Variants in PACRG observed in about 807,000 individuals in gnomAD.
PACRG encodes parkin coregulated gene protein.
PACRG carries 29 observed loss-of-function variants against 29.7 expected under a neutral mutation model. That is an observed-to-expected ratio of 0.98 (90% CI 0.73 to 1.33). PACRG has a LOEUF of 1.33. Ranked by LOEUF, PACRG falls within the 40% of genes most tolerant of loss-of-function variation. PACRG has a pLI of 0.00. For missense variants in PACRG, 279 were observed against 316.2 expected, an observed-to-expected ratio of 0.88 and a Z score of 0.89; for synonymous variants, 116 against 118.7, an observed-to-expected ratio of 0.98 and a Z score of 0.15.
At chr6:163,196,409 C>T (rs1780455276) in intron 4 of PACRG, among the ~76,000 whole-genome samples, 1 of 152,338 alleles carries the variant, frequency 6.6e-6, no homozygotes, top group South Asian at 2.1e-4. Context: ...GGAGCCTTAC[C>T]TGTGGCCTCA....
At chr6:162,978,454 CCTGT>C (rs796760043) in intron 2 of PACRG, among the ~76,000 whole-genome samples, 35 of 144,928 alleles carry the variant, frequency 2.4e-4, no homozygotes, top group African/African-American at 6.0e-4. Context: ...TCTCTGTCTG[CCTGT>C]CTGTCTGTCT....
intron 2 of PACRG, among the ~76,000 whole-genome samples, chr6:162,861,988 T>C (rs915843556): frequency 5.9e-5 from 9 of 152,166 alleles, no homozygotes; most frequent in South Asian, 2.1e-4. Flanking sequence ...CTCAGCATTT[T>C]TGTATCCACT....
In PACRG at chr6:163,078,614, C is replaced by G. The variant is rs550116770; in HGVS notation, c.464-10645C>G. Among the ~76,000 whole-genome samples the G allele has an allele frequency of 3.3e-5, 5 of 152,106 alleles. No homozygotes were observed. The East Asian group carries it at 9.7e-4, about 29-fold the overall frequency. ...GTGTTATCATTGTCATCATTATCAT[C>G]GTCATCATTATCATCATCATCATCA... On this transcript the variant is annotated intron_variant, in intron 3 of 4. Coordinates refer to ENST00000366888, the MANE Select transcript of PACRG (RefSeq NM_001080379.2).
rs1284449382 is a variant in PACRG, at chr6:162,764,872, T to C, written c.156+36481T>C. Among the ~76,000 whole-genome samples, 3 of 151,938 alleles carry C rather than the reference T, an allele frequency of 2.0e-5. No individual in the cohort carries two copies. The East Asian group carries it at 5.8e-4, about 29-fold the overall frequency. On this transcript the variant is annotated intron_variant, in intron 1 of 4. Transcript: ENST00000366888. ...GTTTCTCCTGCCTCAGCCTCCCTAG[T>C]AGCTGGGATTACAGGCACCTGCCAC...
rs143876792 is a variant in PACRG, at chr6:162,869,694, A to G, written c.291+55413A>G. On this transcript the variant is annotated intron_variant, in intron 2 of 4. Transcript: ENST00000366888. ...TAATTTCAGAGTTGGAAAGCTAGAC[A>G]GTTGGAAGTAGTGCTTGGAAAGCCT... 1.3e-3 allele frequency among the ~76,000 whole-genome samples: 200 copies of G among 152,334 alleles called. 2 individuals carry two copies. The highest frequency in any genetic ancestry group is 4.4e-3 in the African/African-American group (183 of 41,576).
At chr6:162,934,369 C>A (rs555111363) in intron 2 of PACRG, among the ~76,000 whole-genome samples, 3 of 152,194 alleles carry the variant, frequency 2.0e-5, no homozygotes, top group Non-Finnish European at 1.5e-5. Flanking sequence ...GGCTCAAACA[C>A]CTTCCATTAG....
At chr6:163,036,817 T>C (rs73783993) in intron 2 of PACRG, among the ~76,000 whole-genome samples, 23,220 of 151,856 alleles carry the variant, frequency 0.15, 1,925 homozygotes, top group East Asian at 0.26. Context: ...TTTACTCTTT[T>C]ATTTATCCAT....
chr6:163,007,435 T>C (rs966512316), intron 2 of PACRG, among the ~76,000 whole-genome samples: 2 of 152,234 alleles, frequency 1.3e-5, no homozygotes, highest in African/African-American at 4.8e-5. Flanking sequence ...TCCTTTCATA[T>C]TTCTTGAAGT....
At chr6:163,275,920 TC>T (rs1784006275) in intron 4 of PACRG, among the ~76,000 whole-genome samples, 1 of 152,152 alleles carries the variant, frequency 6.6e-6, no homozygotes, top group South Asian at 2.1e-4. Flanking sequence ...GGGACACTGT[TC>T]CCGGCTGAGC....
intron 1 of PACRG, among the ~76,000 whole-genome samples, chr6:162,733,138 C>T (rs1402972096): frequency 2.0e-5 from 3 of 152,208 alleles, no homozygotes; most frequent in African/African-American, 7.2e-5. Context: ...ATTTAGCAGT[C>T]AGCAAAAGAC....
intron 2 of PACRG, among the ~76,000 whole-genome samples, chr6:162,935,560 T>C (rs1318695865): frequency 1.3e-5 from 2 of 151,980 alleles, no homozygotes; most frequent in African/African-American, 4.8e-5. Flanking sequence ...TTCTTTTATA[T>C]GCTATTTCTT....
intron 4 of PACRG, among the ~76,000 whole-genome samples, chr6:163,224,182 A>G (rs1481244595): frequency 6.6e-6 from 1 of 151,874 alleles, no homozygotes; most frequent in Admixed American, 6.6e-5. Context: ...CAGCCTGGCC[A>G]ATATGGCACA....
At chr6:163,206,633 A>G (rs1281943855) in intron 4 of PACRG, among the ~76,000 whole-genome samples, 1 of 152,184 alleles carries the variant, frequency 6.6e-6, no homozygotes, top group African/African-American at 2.4e-5. Context: ...AATAATCTGT[A>G]CACCAAACAT....
chr6:162,779,503 T>A (rs776834000), intron 1 of PACRG, among the ~76,000 whole-genome samples: 16 of 152,142 alleles, frequency 1.1e-4, no homozygotes, highest in Non-Finnish European at 2.4e-4. Flanking sequence ...AAAATTCACT[T>A]TTATTTGAAC....
In PACRG at chr6:162,938,274, C is replaced by T. The variant is rs150552764; in HGVS notation, c.292-123876C>T. 9.0e-3 allele frequency among the ~76,000 whole-genome samples: 1,369 copies of T among 152,228 alleles called. 15 individuals carry two copies. Among genetic ancestry groups the T allele is most frequent in the African/African-American group, 0.024 (994 of 41,518 alleles). On this transcript the variant is annotated intron_variant, in intron 2 of 4. Transcript: ENST00000366888. ...AATAGTATTCCATTGTAAATATATACCACAGTTTCTTTATCCACTCGTTGA... is the reference window on the plus strand; with the variant it reads ...AATAGTATTCCATTGTAAATATATATCACAGTTTCTTTATCCACTCGTTGA...
chr6:162,979,553 CT>C (rs1802236251), intron 2 of PACRG, among the ~76,000 whole-genome samples: 1 of 152,070 alleles, frequency 6.6e-6, no homozygotes, highest in Non-Finnish European at 1.5e-5. Flanking sequence ...TCTACTTTCG[CT>C]TTTGTTGTGT....
intron 2 of PACRG, among the ~76,000 whole-genome samples, chr6:163,000,657 G>A (rs1804505322): frequency 6.6e-6 from 1 of 152,146 alleles, no homozygotes; most frequent in Admixed American, 6.5e-5. Flanking sequence ...GACTGGGGAT[G>A]ACACACATGG....
At chr6:162,928,263 A>G (rs1797598352) in intron 2 of PACRG, among the ~76,000 whole-genome samples, 1 of 152,000 alleles carries the variant, frequency 6.6e-6, no homozygotes, top group Admixed American at 6.6e-5. Flanking sequence ...GTGCCGAGAA[A>G]TTCATCCATT....
intron 4 of PACRG, among the ~76,000 whole-genome samples, chr6:163,202,509 T>C (rs1043412675): frequency 1.3e-5 from 2 of 152,158 alleles, no homozygotes; most frequent in Admixed American, 6.5e-5. Context: ...GATTTTCCCA[T>C]ATTTCCCCAC....
Sources: allele counts gnomAD v4.1 joint callset (sites outside exome capture counted in the v4.1 genomes callset), GRCh38; gene constraint gnomAD v4.1.1; transcripts MANE v1.5; gene names NCBI Gene and HGNC (gene_info 2026-07-23, HGNC 2026-07-21).